RIMS1: variants seen among roughly 807,000 people sequenced by gnomAD.
RIMS1 encodes the protein regulating synaptic membrane exocytosis 1.
RIMS1 carries 83 observed loss-of-function variants against 214.1 expected under a neutral mutation model. That is an observed-to-expected ratio of 0.39 (90% CI 0.32 to 0.47). The LOEUF (loss-of-function observed/expected upper bound fraction) is 0.47, where lower values mean the gene tolerates loss of function less well. Among genes scored for constraint, RIMS1 ranks in the 20% least tolerant of loss-of-function variants. RIMS1 has a pLI of 0.99. For missense variants in RIMS1, 2,050 were observed against 2,161.8 expected (o/e 0.95, Z 1.03); for synonymous variants, 793 against 786.8 (o/e 1.01, Z -0.13).
chr6:72,020,103 G>C (rs746614671), intron 2 of RIMS1, among the ~76,000 whole-genome samples: 1 of 152,108 alleles, frequency 6.6e-6, no homozygotes, highest in South Asian at 2.1e-4. Flanking sequence ...GACAATAACA[G>C]TAATTACACT....
intron 29 of RIMS1, among the ~76,000 whole-genome samples, chr6:72,343,839 A>G (rs2154360023): frequency 6.6e-6 from 1 of 151,766 alleles, no homozygotes; most frequent in Non-Finnish European, 1.5e-5. Flanking sequence ...TTAGATTTCA[A>G]AATGGGTTAA....
chr6:72,318,593 T>C (rs541511003), intron 28 of RIMS1, among the ~76,000 whole-genome samples: 18 of 152,338 alleles, frequency 1.2e-4, no homozygotes, highest in Admixed American at 3.9e-4. Flanking sequence ...ATATGTATTC[T>C]AGTTTCTTTG....
chr6:72,057,478 A>T (rs190493342), intron 2 of RIMS1, among the ~76,000 whole-genome samples: 131 of 150,972 alleles, frequency 8.7e-4, no homozygotes, highest in Non-Finnish European at 1.2e-3. Flanking sequence ...TTATTGTCCA[A>T]ATCAGTACAC....
chr6:71,897,973 G>A (rs1412773557), intron 1 of RIMS1, among the ~76,000 whole-genome samples: 4 of 152,100 alleles, frequency 2.6e-5, no homozygotes, highest in African/African-American at 9.7e-5. Context: ...GAAGTGAGTT[G>A]AGTGCTTTTA....
chr6:72,271,645 G>A (rs1187667388), intron 22 of RIMS1, among the ~76,000 whole-genome samples: 2 of 152,024 alleles, frequency 1.3e-5, no homozygotes, highest in African/African-American at 2.4e-5. Flanking sequence ...ATCAATGCCT[G>A]GGGGAGAGGG....
intron 1 of RIMS1, among the ~76,000 whole-genome samples, chr6:71,930,984 T>C (rs1391118997): frequency 1.3e-5 from 2 of 152,004 alleles, no homozygotes; most frequent in Admixed American, 1.3e-4. Context: ...AATCCTGATA[T>C]AACTAAATGC....
In RIMS1 at chr6:71,999,274, C is replaced by T. The variant is rs189970934; in HGVS notation, c.245+30211C>T. Among the ~76,000 whole-genome samples the T allele has an allele frequency of 2.1e-3, 321 of 152,116 alleles. 1 individual carries two copies. Among genetic ancestry groups the T allele is most frequent in the African/African-American group, 7.0e-3 (292 of 41,532 alleles). On this transcript the variant is annotated intron_variant, in intron 2 of 33. Transcript: ENST00000521978. ...TTAATTTTATGTCCATATTGAAATA[C>T]ATTGGAAAGGACTCCCAGAAGAATA...
chr6:72,311,154 A>G (rs186691849), intron 27 of RIMS1, among the ~76,000 whole-genome samples: 7 of 152,346 alleles, frequency 4.6e-5, no homozygotes, highest in Admixed American at 4.6e-4. Context: ...CACAATGCTA[A>G]CACCCAAAAC....
intron 28 of RIMS1, among the ~76,000 whole-genome samples, chr6:72,332,447 A>G (rs1360462293): frequency 6.7e-6 from 1 of 148,188 alleles, no homozygotes; most frequent in Non-Finnish European, 1.5e-5. Context: ...AAAAAACCAA[A>G]CACCACATGT....
rs576790304 is a variant in RIMS1 at position 72,344,995 on chromosome 6, G to T, written c.4366+11160G>T. Among the ~76,000 whole-genome samples the T allele has an allele frequency of 2.0e-5, 3 of 151,790 alleles. No individual in the cohort carries two copies. The South Asian group carries it at 6.2e-4, about 32-fold the overall frequency. On this transcript the variant is annotated intron_variant, in intron 29 of 33. Transcript: ENST00000521978. Reference sequence around the variant, plus strand: ...ACTAAATTTATTAAGTGCCTTCAAAGCACAACACTTAGCACTAAAATAATT... The same window carrying T: ...ACTAAATTTATTAAGTGCCTTCAAATCACAACACTTAGCACTAAAATAATT...
intron 28 of RIMS1, chr6:72,316,744 T>C: frequency 1.5e-6 from 1 of 662,888 alleles, no homozygotes; most frequent in South Asian, 1.4e-5. Context: ...GGCCCTCTGG[T>C]TTCAGAGGCC....
chr6:71,954,863 CA>C (rs1371799941), intron 1 of RIMS1, among the ~76,000 whole-genome samples: 4 of 137,748 alleles, frequency 2.9e-5, no homozygotes, highest in South Asian at 2.3e-4. Context: ...CACACACACA[CA>C]CACACTCCAC....
chr6:71,907,718 A>T (rs1178743607), intron 1 of RIMS1, among the ~76,000 whole-genome samples: 1 of 152,218 alleles, frequency 6.6e-6, no homozygotes, highest in Non-Finnish European at 1.5e-5. Context: ...CACAGCGTAT[A>T]TACATACTTC....
rs375422873 is a variant in RIMS1 at position 72,188,385 on chromosome 6, C to G, written c.1678+5236C>G. 8.5e-5 allele frequency among the ~76,000 whole-genome samples: 13 copies of G among 152,274 alleles called. No homozygotes were observed. The East Asian group carries it at 1.5e-3, about 18-fold the overall frequency. ...CTATCCTTCGTACAACCAGAAAGTA[C>G]CAATCCCCAACCCAAATGCTGTTAC... On this transcript the variant is annotated intron_variant, in intron 6 of 33. Coordinates refer to ENST00000521978, the MANE Select transcript of RIMS1 (RefSeq NM_014989.7).
At chr6:72,074,550 A>G (rs893047875) in intron 2 of RIMS1, among the ~76,000 whole-genome samples, 1 of 152,158 alleles carries the variant, frequency 6.6e-6, no homozygotes, top group Non-Finnish European at 1.5e-5. Context: ...CTGTAGTCCC[A>G]CCTACTCAGG....
At chr6:72,225,040 A>ATT (rs767144439) in intron 6 of RIMS1, among the ~76,000 whole-genome samples, 27 of 152,242 alleles carry the variant, frequency 1.8e-4, no homozygotes, top group Non-Finnish European at 3.5e-4. Context: ...ACTTAAAAAT[A>ATT]AAGTCCTTTA....
At chr6:72,269,011 A>T (rs920306776) in intron 22 of RIMS1, among the ~76,000 whole-genome samples, 1 of 152,130 alleles carries the variant, frequency 6.6e-6, no homozygotes, top group Non-Finnish European at 1.5e-5. Context: ...TTCAGAAGCA[A>T]TGATTTTTAG....
chr6:72,324,576 G>T (rs576502935), intron 28 of RIMS1, among the ~76,000 whole-genome samples: 3 of 151,774 alleles, frequency 2.0e-5, no homozygotes, highest in African/African-American at 7.3e-5. Context: ...ATCAATAATT[G>T]CATCAAAAGT....
chr6:72,340,890 C>T (rs1265506243), intron 29 of RIMS1, among the ~76,000 whole-genome samples: 19 of 152,096 alleles, frequency 1.2e-4, no homozygotes, highest in Admixed American at 2.6e-4. Context: ...GCCATTTTCA[C>T]GATATTGATT....
Sources: allele counts gnomAD v4.1 joint callset (sites outside exome capture counted in the v4.1 genomes callset), GRCh38; gene constraint gnomAD v4.1.1; transcripts MANE v1.5; gene names NCBI Gene and HGNC (gene_info 2026-07-23, HGNC 2026-07-21).